Variants in NOPCHAP1 observed in about 807,000 individuals in gnomAD.
NOPCHAP1 encodes the protein DNA damage-sensitive RNA 1.
Under a neutral mutation model 14.0 loss-of-function variants are expected in NOPCHAP1, and 13 were observed. The ratio of observed to expected loss-of-function variants is 0.93; its 90% CI spans 0.60 to 1.47. NOPCHAP1 has a LOEUF of 1.47. Among genes scored for constraint, NOPCHAP1 ranks in the 40% most tolerant of loss-of-function variants. The pLI is 0.00. For missense variants in NOPCHAP1, 230 were observed against 226.9 expected (o/e 1.01, Z -0.09); for synonymous variants, 78 against 78.4 (o/e 1.00, Z 0.03).
intron 2 of NOPCHAP1, among the ~76,000 whole-genome samples, chr12:104,991,128 G>C (rs1191890146): frequency 6.6e-6 from 1 of 152,134 alleles, no homozygotes; most frequent in African/African-American, 2.4e-5. Context: ...TCTATTATTG[G>C]CCCGACTAGA....
chr12:104,991,748 C>T lies in NOPCHAP1; in HGVS notation c.239C>T (p.Ala80Val), dbSNP rs1873380601. ...DQVQTFLPQM[A>V]RANEKLRKEM... ...GTACAGACATTTCTCCCACAGATGG[C>T]ACGGGCAAATGAAAAGCTAAGAAAA... The change falls in exon 3 of 4, where the codon GCA (alanine) becomes GTA (valine). Residue 80 changes from alanine to valine, a missense_variant. Ala to Val is a moderately conservative substitution (Grantham distance 64). Coordinates refer to ENST00000552951, the MANE Select transcript of NOPCHAP1 (RefSeq NM_152318.3). The T allele has an allele frequency of 6.2e-7, 1 of 1,613,572 alleles. No homozygotes were observed. Among genetic ancestry groups the T allele is most frequent in the African/African-American group, 1.3e-5 (1 of 74,896 alleles).
rs1473872327 is a variant in NOPCHAP1 at position 105,006,068 on chromosome 12, C to T, written c.*11372C>T. The T allele has an allele frequency of 2.0e-5, 3 of 152,234 alleles. No homozygotes were observed. Among genetic ancestry groups the T allele is most frequent in the Non-Finnish European group, 4.4e-5 (3 of 68,062 alleles). 9.4% of individuals were successfully genotyped at this position (152,234 alleles called of 1,614,324 possible). On this transcript the variant is annotated 3_prime_UTR_variant, in exon 4 of 4. Transcript: ENST00000552951. ...CCAAGATCCCTGTCTTGAAACCCTT[C>T]ACTCCACCTGCCCCACCTTTTTTGC... is the stretch of plus-strand genomic sequence containing the variant.
At position 105,007,074 on chromosome 12, in the gene NOPCHAP1, T is replaced by C. The variant is rs1189945410; in HGVS notation, c.*12378T>C. On this transcript the variant is annotated 3_prime_UTR_variant, in exon 4 of 4. Transcript: ENST00000552951. ...AACCTCTAAAATTATCAAAGCATCT[T>C]ATGCTGGCATTGAATTATCCAGCTT... 1 of 152,058 alleles carries C rather than the reference T, an allele frequency of 6.6e-6. No homozygotes were observed. Among genetic ancestry groups the C allele is most frequent in the Non-Finnish European group, 1.5e-5 (1 of 68,016 alleles). 9.4% of individuals were successfully genotyped at this position (152,058 alleles called of 1,614,324 possible). A position where few individuals can be genotyped will look rare whatever the true frequency, so the allele number is the denominator to read the frequency against.
rs927334119 is a variant in NOPCHAP1, at chr12:105,007,814, T to G, written c.*13118T>G. 2.0e-5 allele frequency: 3 copies of G among 152,296 alleles called. No homozygotes were observed. Among genetic ancestry groups the G allele is most frequent in the Admixed American group, 2.0e-4 (3 of 15,282 alleles). 9.4% of individuals were successfully genotyped at this position (152,296 alleles called of 1,614,324 possible). A position where few individuals can be genotyped will look rare whatever the true frequency, so the allele number is the denominator to read the frequency against. ...GAATGATGGTTTCCTGCTTCATCCC[T>G]GTCCCTGCAAAGGACATGAACTCAT... On this transcript the variant is annotated 3_prime_UTR_variant, in exon 4 of 4. Transcript: ENST00000552951.
chr12:104,993,854 T>G (rs1445845514), intron 3 of NOPCHAP1, among the ~76,000 whole-genome samples: 2 of 152,170 alleles, frequency 1.3e-5, no homozygotes, highest in Non-Finnish European at 2.9e-5. Flanking sequence ...ATTTTTTTAT[T>G]GTTATTGAGT....
rs1873477982 is a variant in NOPCHAP1 at position 104,995,364 on chromosome 12, G to C, written c.*668G>C. Reference sequence around the variant, plus strand: ...GGTGGCAGTGTCCAAAGAAACAATAGTGTCAGCTACAAATTGTATTGAATT... The same window carrying C: ...GGTGGCAGTGTCCAAAGAAACAATACTGTCAGCTACAAATTGTATTGAATT... On this transcript the variant is annotated 3_prime_UTR_variant, in exon 4 of 4. Coordinates refer to ENST00000552951, the MANE Select transcript of NOPCHAP1 (RefSeq NM_152318.3). 6.6e-6 allele frequency: 1 copy of C among 152,248 alleles called. No individual in the cohort carries two copies. Among genetic ancestry groups the C allele is most frequent in the African/African-American group, 2.4e-5 (1 of 41,436 alleles). The allele number at this position is 152,248 out of a possible 1,614,324, so 9.4% of individuals were successfully genotyped here. A position where few individuals can be genotyped will look rare whatever the true frequency, so the allele number is the denominator to read the frequency against.
rs933470197 is a variant in NOPCHAP1, at chr12:105,012,634, T to A, written c.*17938T>A. ...CCTCATCTTCCTGGATTTACCTACC[T>A]TTGCTCTTTTATGTTGGTAACCTTT... is the stretch of plus-strand genomic sequence containing the variant. On this transcript the variant is annotated 3_prime_UTR_variant, in exon 4 of 4. Coordinates refer to ENST00000552951, the MANE Select transcript of NOPCHAP1 (RefSeq NM_152318.3). 1.1e-4 allele frequency: 17 copies of A among 152,240 alleles called. No homozygotes were observed. Among genetic ancestry groups the A allele is most frequent in the African/African-American group, 4.1e-4 (17 of 41,450 alleles). The allele number at this position is 152,240 out of a possible 1,614,324, so 9.4% of individuals were successfully genotyped here. A position where few individuals can be genotyped will look rare whatever the true frequency, so the allele number is the denominator to read the frequency against.
In NOPCHAP1 at chr12:105,006,220, A is replaced by T. The variant is rs1873706650; in HGVS notation, c.*11524A>T. 6.6e-6 allele frequency: 1 copy of T among 152,170 alleles called. No individual in the cohort carries two copies. Among genetic ancestry groups the T allele is most frequent in the Non-Finnish European group, 1.5e-5 (1 of 68,024 alleles). The allele number at this position is 152,170 out of a possible 1,614,324, so 9.4% of individuals were successfully genotyped here. On this transcript the variant is annotated 3_prime_UTR_variant, in exon 4 of 4. Transcript: ENST00000552951. ...TTGTTTCAGGCTTGATGGCTTTCAC[A>T]GCTTTTTCTATAACAATGATATTGT... is the stretch of plus-strand genomic sequence containing the variant.
chr12:105,003,576 C>T lies in NOPCHAP1; in HGVS notation c.*8880C>T, dbSNP rs977380190. The T allele has an allele frequency of 7.9e-5, 12 of 152,230 alleles. No homozygotes were observed. The highest frequency in any genetic ancestry group is 2.7e-4 in the African/African-American group (11 of 41,454). 9.4% of individuals were successfully genotyped at this position (152,230 alleles called of 1,614,324 possible). ...ATGGTTACAATAGACCCAGCAAATA[C>T]ATTCATTTGGTCACTAGGGTGCTCC... On this transcript the variant is annotated 3_prime_UTR_variant, in exon 4 of 4. Coordinates refer to ENST00000552951, the MANE Select transcript of NOPCHAP1 (RefSeq NM_152318.3).
In NOPCHAP1 at chr12:105,000,623, C is replaced by T. The variant is rs1267657991; in HGVS notation, c.*5927C>T. On this transcript the variant is annotated 3_prime_UTR_variant, in exon 4 of 4. Coordinates refer to ENST00000552951, the MANE Select transcript of NOPCHAP1 (RefSeq NM_152318.3). ...TTACCACCCATACTGCAGCAAAAGT[C>T]TTGAGGGTCTGAACTTTTGCTGCAG... The T allele has an allele frequency of 6.6e-6, 1 of 152,098 alleles. No homozygotes were observed. The highest frequency in any genetic ancestry group is 2.1e-4 in the South Asian group (1 of 4,814). The allele number at this position is 152,098 out of a possible 1,614,324, so 9.4% of individuals were successfully genotyped here.
intron 2 of NOPCHAP1, among the ~76,000 whole-genome samples, chr12:104,991,467 G>C (rs1237399326): frequency 6.6e-6 from 1 of 152,170 alleles, no homozygotes; most frequent in Non-Finnish European, 1.5e-5. Context: ...TTGAATGCCA[G>C]CCTTCTAGGA....
rs1468556449 is a variant in NOPCHAP1 at position 105,003,294 on chromosome 12, T to A, written c.*8598T>A. On this transcript the variant is annotated 3_prime_UTR_variant, in exon 4 of 4. Coordinates refer to ENST00000552951, the MANE Select transcript of NOPCHAP1 (RefSeq NM_152318.3). Reference sequence around the variant, plus strand: ...GTTTCATTTTTCTAGAAAAGCAACATGCCCTGAGTCTGTAGTTCTTATACA... The same window carrying A: ...GTTTCATTTTTCTAGAAAAGCAACAAGCCCTGAGTCTGTAGTTCTTATACA... 1 of 152,190 alleles carries A rather than the reference T, an allele frequency of 6.6e-6. No individual in the cohort carries two copies. The highest frequency in any genetic ancestry group is 1.5e-5 in the Non-Finnish European group (1 of 68,024). 9.4% of individuals were successfully genotyped at this position (152,190 alleles called of 1,614,324 possible). A position where few individuals can be genotyped will look rare whatever the true frequency, so the allele number is the denominator to read the frequency against.
At position 104,998,486 on chromosome 12, in the gene NOPCHAP1, T is replaced by G. The variant is rs192635358; in HGVS notation, c.*3790T>G. The G allele has an allele frequency of 2.0e-5, 3 of 152,306 alleles. No homozygotes were observed. Among genetic ancestry groups the G allele is most frequent in the African/African-American group, 7.2e-5 (3 of 41,554 alleles). The allele number at this position is 152,306 out of a possible 1,614,324, so 9.4% of individuals were successfully genotyped here. A position where few individuals can be genotyped will look rare whatever the true frequency, so the allele number is the denominator to read the frequency against. On this transcript the variant is annotated 3_prime_UTR_variant, in exon 4 of 4. Transcript: ENST00000552951. ...GGATTCCTGGACTGTATGCTGTAAT[T>G]CTGGGGGGCTGATATCAGGCCCCTG...
At chr12:104,991,483 C>G (rs1873372705) in intron 2 of NOPCHAP1, among the ~76,000 whole-genome samples, 1 of 152,188 alleles carries the variant, frequency 6.6e-6, no homozygotes, top group African/African-American at 2.4e-5. Flanking sequence ...TAGGAGTTTA[C>G]AGTCCTGGGG....
In NOPCHAP1 at chr12:105,008,021, T is replaced by C. The variant is rs1370851973; in HGVS notation, c.*13325T>C. 6.6e-6 allele frequency: 1 copy of C among 152,248 alleles called. No individual in the cohort carries two copies. Among genetic ancestry groups the C allele is most frequent in the African/African-American group, 2.4e-5 (1 of 41,456 alleles). 9.4% of individuals were successfully genotyped at this position (152,248 alleles called of 1,614,324 possible). On this transcript the variant is annotated 3_prime_UTR_variant, in exon 4 of 4. Coordinates refer to ENST00000552951, the MANE Select transcript of NOPCHAP1 (RefSeq NM_152318.3). ...AATCCTTTGGATATATACCCAGTAA[T>C]GGGATTGCTGGGTTAAATGGTATTT...
chr12:104,994,465 C>G lies in NOPCHAP1; in HGVS notation c.340-13C>G. On this transcript the variant is annotated splice_polypyrimidine_tract_variant and intron_variant, in intron 3 of 3. Coordinates refer to ENST00000552951, the MANE Select transcript of NOPCHAP1 (RefSeq NM_152318.3). ...TGCTCTGAAATAGATTTCCTGTCCA[C>G]TACTTTTTGCAGGATGTGGCTTTGT... The G allele has an allele frequency of 6.2e-7, 1 of 1,611,570 alleles. No homozygotes were observed. Among genetic ancestry groups the G allele is most frequent in the Non-Finnish European group, 8.5e-7 (1 of 1,177,764 alleles).
rs1873504133 is a variant in NOPCHAP1, at chr12:104,996,488, C to T, written c.*1792C>T. On this transcript the variant is annotated 3_prime_UTR_variant, in exon 4 of 4. Coordinates refer to ENST00000552951, the MANE Select transcript of NOPCHAP1 (RefSeq NM_152318.3). ...ATCACCTGGTGATAAGCATAGTGCC[C>T]AATAGGTAGTTTTAAATCTGCACCC... is the stretch of plus-strand genomic sequence containing the variant. The T allele has an allele frequency of 6.6e-6, 1 of 151,688 alleles. No individual in the cohort carries two copies. The highest frequency in any genetic ancestry group is 2.4e-5 in the African/African-American group (1 of 41,232). The allele number at this position is 151,688 out of a possible 1,614,324, so 9.4% of individuals were successfully genotyped here.
rs1467169045 is a variant in NOPCHAP1 at position 104,986,444 on chromosome 12, C to CG, written c.94dup (p.Ala32GlyfsTer20). 6.2e-7 allele frequency: 1 copy of CG among 1,605,310 alleles called. No homozygotes were observed. The highest frequency in any genetic ancestry group is 1.3e-5 in the African/African-American group (1 of 74,608). The stretch of plus-strand genomic sequence containing the variant: ...GTCCCAGTGTCCAAGGAGCTGCTGA[C>CG]GGCGGGAAGCGACGGCCGCGGAGGT... On this transcript the variant is annotated frameshift_variant, in exon 1 of 4. Transcript: ENST00000552951. LOFTEE classifies it high-confidence loss of function.
At position 104,986,325 on chromosome 12, in the gene NOPCHAP1, G is replaced by A. The variant is rs1381263297; in HGVS notation, c.-28G>A. 9 of 1,574,000 alleles carry A rather than the reference G, an allele frequency of 5.7e-6. No homozygotes were observed. In the East Asian group the frequency reaches 1.9e-4, roughly 32 times the overall value. On this transcript the variant is annotated 5_prime_UTR_variant, in exon 1 of 4. Coordinates refer to ENST00000552951, the MANE Select transcript of NOPCHAP1 (RefSeq NM_152318.3). ...TACCCGAGCCTTTTTCCTGCATCCG[G>A]GCCTGAGAGTGCAGGCTTGAGGGAA...
Sources: allele counts gnomAD v4.1 joint callset (sites outside exome capture counted in the v4.1 genomes callset), GRCh38; gene constraint gnomAD v4.1.1; transcripts MANE v1.5; gene names NCBI Gene and HGNC (gene_info 2026-07-23, HGNC 2026-07-21).